Variants in MAP3K7CL observed in about 807,000 individuals in gnomAD.
The protein encoded by MAP3K7CL is MAP3K7 C-terminal like.
MAP3K7CL carries 16 observed loss-of-function variants against 18.6 expected under a neutral mutation model. The observed-to-expected ratio is 0.86, with a 90% CI of 0.58 to 1.31. The LOEUF (loss-of-function observed/expected upper bound fraction) is 1.31. Among genes scored for constraint, MAP3K7CL ranks in the 50% most tolerant of loss-of-function variants. MAP3K7CL has a pLI of 0.00. For missense variants in MAP3K7CL, 163 were observed against 174.4 expected (o/e 0.93, Z 0.37); for synonymous variants, 65 against 66.8 (o/e 0.97, Z 0.13).
intron 1 of MAP3K7CL, among the ~76,000 whole-genome samples, chr21:29,079,841 T>G (rs2085807366): frequency 6.6e-6 from 1 of 152,208 alleles, no homozygotes; most frequent in Admixed American, 6.5e-5. Flanking sequence ...TCACAAGAAA[T>G]GAAATGTATT....
chr21:29,111,570 A>C (rs1361241451), intron 4 of MAP3K7CL, among the ~76,000 whole-genome samples: 1 of 152,130 alleles, frequency 6.6e-6, no homozygotes, highest in Non-Finnish European at 1.5e-5. Flanking sequence ...GACTGTTTGC[A>C]TTGTGGATTT....
intron 4 of MAP3K7CL, among the ~76,000 whole-genome samples, chr21:29,160,565 A>T (rs1431076646): frequency 6.6e-6 from 1 of 152,230 alleles, no homozygotes; most frequent in East Asian, 1.9e-4. Flanking sequence ...TAATTAAAGC[A>T]TTCTGATTTT....
intron 1 of MAP3K7CL, among the ~76,000 whole-genome samples, chr21:29,086,927 C>T (rs1399276553): frequency 1.3e-5 from 2 of 152,150 alleles, no homozygotes; most frequent in African/African-American, 4.8e-5. Flanking sequence ...TCTTCACGAC[C>T]ATCCTGATGA....
At chr21:29,151,469 GT>G (rs1568964219) in intron 3 of MAP3K7CL, among the ~76,000 whole-genome samples, 1 of 151,840 alleles carries the variant, frequency 6.6e-6, no homozygotes, top group Non-Finnish European at 1.5e-5. Context: ...GCAAGACTCC[GT>G]CTCAAAAAAA....
chr21:29,163,890 A>G (rs2087618296), intron 4 of MAP3K7CL, among the ~76,000 whole-genome samples: 1 of 151,778 alleles, frequency 6.6e-6, no homozygotes, highest in South Asian at 2.1e-4. Flanking sequence ...AAGAGATGGC[A>G]TCTTGCTATG....
intron 4 of MAP3K7CL, among the ~76,000 whole-genome samples, chr21:29,172,164 C>T (rs1170884844): frequency 6.7e-6 from 1 of 150,274 alleles, no homozygotes; most frequent in East Asian, 1.9e-4. Flanking sequence ...ATTCAAATTG[C>T]ATCAATTTCC....
At chr21:29,130,120 ATATT>A (rs2086751654), upstream of MAP3K7CL, among the ~76,000 whole-genome samples, 1 of 152,152 alleles carries the variant, frequency 6.6e-6, no homozygotes, top group African/African-American at 2.4e-5. Context: ...CCTTCTCCTA[ATATT>A]TATTTTGCTT....
At chr21:29,078,971 T>G (rs2085793754) in intron 1 of MAP3K7CL, among the ~76,000 whole-genome samples, 1 of 152,206 alleles carries the variant, frequency 6.6e-6, no homozygotes, top group Admixed American at 6.5e-5. Context: ...AAAGGAAGAC[T>G]AGCCAAATGT....
chr21:29,128,461 C>T (rs1043809567), upstream of MAP3K7CL, among the ~76,000 whole-genome samples: 1 of 152,062 alleles, frequency 6.6e-6, no homozygotes, highest in African/African-American at 2.4e-5. Context: ...CACCACCACG[C>T]CCGGCTAATT....
At chr21:29,148,834 T>C (rs1284738935) in intron 2 of MAP3K7CL, among the ~76,000 whole-genome samples, 1 of 152,214 alleles carries the variant, frequency 6.6e-6, no homozygotes, top group East Asian at 1.9e-4. Flanking sequence ...TTAAAGTCCT[T>C]CTGGCCACCT....
chr21:29,092,726 G>A, intron 4 of MAP3K7CL: 1 of 825,268 alleles, frequency 1.2e-6, no homozygotes, highest in African/African-American at 1.7e-5. Context: ...GACGTGCTGG[G>A]TGTTCTTCTA....
intron 2 of MAP3K7CL, among the ~76,000 whole-genome samples, chr21:29,135,972 C>T (rs572487436): frequency 6.6e-6 from 1 of 152,278 alleles, no homozygotes; most frequent in East Asian, 1.9e-4. Flanking sequence ...AGCTGAGGTT[C>T]AGTGTTTCTC....
At chr21:29,102,699 G>A (rs1381380133) in intron 4 of MAP3K7CL, 1 of 152,088 alleles carries the variant, frequency 6.6e-6, no homozygotes, top group Non-Finnish European at 1.5e-5. Flanking sequence ...TTTTAAAAGT[G>A]TGGACTGGAT....
chr21:29,141,636 A>G (rs1601231429), intron 2 of MAP3K7CL, among the ~76,000 whole-genome samples: 2 of 152,316 alleles, frequency 1.3e-5, no homozygotes, highest in South Asian at 4.1e-4. Flanking sequence ...ACTGGTTAAG[A>G]TAACATCATG....
At chr21:29,084,205 G>T (rs1355887265), upstream of MAP3K7CL, among the ~76,000 whole-genome samples, 1 of 151,560 alleles carries the variant, frequency 6.6e-6, no homozygotes, top group Middle Eastern at 3.2e-3. Flanking sequence ...ATAATTTGTG[G>T]CTTAAACTGG....
intron 4 of MAP3K7CL, chr21:29,109,410 C>G: frequency 1.5e-6 from 2 of 1,321,608 alleles, no homozygotes; most frequent in Non-Finnish European, 1.9e-6. Context: ...AATGCTCAGC[C>G]AGGAGGTGTT....
chr21:29,133,376 A>G lies in MAP3K7CL; in HGVS notation c.32A>G (p.Lys11Arg), dbSNP rs777466045. The G allele has an allele frequency of 9.7e-6, 15 of 1,550,256 alleles. No individual in the cohort carries two copies. Among genetic ancestry groups the G allele is most frequent in the Non-Finnish European group, 1.1e-5 (13 of 1,146,824 alleles). The change falls in exon 2 of 5, where the codon AAG (lysine) becomes AGG (arginine). Residue 11 changes from lysine (K) to arginine (R), a missense_variant. Physicochemically the swap from Lys to Arg is conservative, Grantham distance 26. Transcript: ENST00000399928. ...AGCACAGCCAGGGTACCTGCTGACA[A>G]GCCTGTACGCATCGCCTTTAGCCTC... is the stretch of plus-strand genomic sequence containing the variant. MISTARVPAD[K>R]PVRIAFSLND...
intron 3 of MAP3K7CL, among the ~76,000 whole-genome samples, chr21:29,158,043 G>T (rs977979687): frequency 6.6e-6 from 1 of 152,166 alleles, no homozygotes; most frequent in Non-Finnish European, 1.5e-5. Context: ...AGCCTGTGTG[G>T]TGTTTGTAAG....
At chr21:29,165,463 T>C (rs2087662225) in intron 4 of MAP3K7CL, among the ~76,000 whole-genome samples, 1 of 152,220 alleles carries the variant, frequency 6.6e-6, no homozygotes, top group African/African-American at 2.4e-5. Flanking sequence ...ACACAATGTA[T>C]ATTCTTTTAT....
Sources: allele counts gnomAD v4.1 joint callset (sites outside exome capture counted in the v4.1 genomes callset), GRCh38; gene constraint gnomAD v4.1.1; transcripts MANE v1.5; gene names NCBI Gene and HGNC (gene_info 2026-07-23, HGNC 2026-07-21).